ARMC2: variants seen among roughly 807,000 people sequenced by gnomAD.
ARMC2 encodes armadillo repeat-containing protein 2.
Under a neutral mutation model 90.3 loss-of-function variants are expected in ARMC2, and 67 were observed. The observed-to-expected ratio is 0.74, with a 90% confidence interval of 0.61 to 0.91. The LOEUF is 0.91. ARMC2 is among the 40% of genes least tolerant of loss of function. ARMC2 has a pLI of 0.00. For synonymous variants in ARMC2, 393 were observed against 393.0 expected (o/e 1.00, Z 0.00); for missense variants, 920 against 1,030.9 (o/e 0.89, Z 1.47).
intron 5 of ARMC2, among the ~76,000 whole-genome samples, chr6:108,881,496 A>G (rs1777579849): frequency 1.3e-5 from 2 of 152,328 alleles, no homozygotes; most frequent in South Asian, 4.1e-4. Flanking sequence ...AGCAAGAAAC[A>G]GATTTCACTA....
At chr6:108,985,596 T>C in the ARMC2 span, among the ~76,000 whole-genome samples, 1 of 152,214 alleles carries the variant, frequency 6.6e-6, no homozygotes, top group Non-Finnish European at 1.5e-5. Context: ...CATTAAAATT[T>C]TGATTTCAAT....
At chr6:108,964,150 C>G in intron 15 of ARMC2, 30 bp from the exon 16 acceptor site, 2 of 1,596,472 alleles carry the variant, frequency 1.3e-6, no homozygotes, top group Non-Finnish European at 1.7e-6. Flanking sequence ...TGAACTTTTA[C>G]TGGTCTGCAT....
chr6:109,012,272 T>C, the ARMC2 span, among the ~76,000 whole-genome samples: 356 of 151,716 alleles, frequency 2.3e-3, 1 homozygote, highest in African/African-American at 8.2e-3. Context: ...AGACGGAGTC[T>C]CGCTCTGTCG....
chr6:109,035,081 A>C, the ARMC2 span, among the ~76,000 whole-genome samples: 1 of 152,106 alleles, frequency 6.6e-6, no homozygotes, highest in Admixed American at 6.5e-5. Flanking sequence ...GGGAGAGAAA[A>C]GGGGCAAGAG....
At chr6:109,029,508 T>G in the ARMC2 span, among the ~76,000 whole-genome samples, 7 of 152,156 alleles carry the variant, frequency 4.6e-5, no homozygotes, top group African/African-American at 1.7e-4. Context: ...CTCAAGCCAC[T>G]CCTTTCCTCC....
chr6:108,914,950 ATT>A (rs71776577), intron 10 of ARMC2, among the ~76,000 whole-genome samples: 30 of 144,592 alleles, frequency 2.1e-4, no homozygotes, highest in East Asian at 1.2e-3. Context: ...CTCAGCAGGC[ATT>A]TTTTTTTTTT....
the ARMC2 span, among the ~76,000 whole-genome samples, chr6:108,985,235 A>C: frequency 6.6e-6 from 1 of 152,314 alleles, no homozygotes; most frequent in East Asian, 1.9e-4. Flanking sequence ...TCTCATTCTT[A>C]GAGATGATAA....
At chr6:108,906,252 G>A (rs1376833021) in intron 8 of ARMC2, among the ~76,000 whole-genome samples, 1 of 151,986 alleles carries the variant, frequency 6.6e-6, no homozygotes, top group African/African-American at 2.4e-5. Flanking sequence ...GTATGAATGT[G>A]ACTATATTTA....
At chr6:108,948,617 C>T (rs763914543) in intron 12 of ARMC2, among the ~76,000 whole-genome samples, 7 of 150,900 alleles carry the variant, frequency 4.6e-5, no homozygotes, top group Non-Finnish European at 8.9e-5. Context: ...CCTCCTTTTC[C>T]ATCTGAAGCA....
At chr6:109,007,579 A>T in the ARMC2 span, among the ~76,000 whole-genome samples, 1 of 152,186 alleles carries the variant, frequency 6.6e-6, no homozygotes, top group Non-Finnish European at 1.5e-5. Context: ...TGTTATATAA[A>T]AAGTGAAAGT....
In ARMC2 at chr6:108,858,180, G is replaced by C. The variant is rs777242036; in HGVS notation, c.219-19G>C. The C allele has an allele frequency of 6.3e-7, 1 of 1,594,096 alleles. No individual in the cohort carries two copies. Among genetic ancestry groups the C allele is most frequent in the Non-Finnish European group, 8.6e-7 (1 of 1,164,026 alleles). ...ATAATTCTTCACAAACTAACACTCT[G>C]CACCATCTTTTATGCTAGCCTCCAT... On this transcript the variant is annotated intron_variant, in intron 2 of 17. Coordinates refer to ENST00000392644, the MANE Select transcript of ARMC2 (RefSeq NM_032131.6).
intron 12 of ARMC2, among the ~76,000 whole-genome samples, chr6:108,945,906 TGTAGGGC>T (rs1238342338): frequency 6.6e-6 from 1 of 152,226 alleles, no homozygotes; most frequent in East Asian, 1.9e-4. Context: ...CTGGTGCCTT[TGTAGGGC>T]GACTTGGCTC....
At chr6:108,944,517 G>T (rs948823663) in intron 12 of ARMC2, among the ~76,000 whole-genome samples, 5 of 152,182 alleles carry the variant, frequency 3.3e-5, no homozygotes, top group Non-Finnish European at 5.9e-5. Context: ...CCTTAGAGCC[G>T]CCTGTCCAAG....
chr6:108,936,471 G>A lies in ARMC2; in HGVS notation c.1497-429G>A, dbSNP rs144240602. ...GGGTTTCACTATGTTGGCCAGGCTC[G>A]TCTTGAGCTCCTGACCTCAAGTGAC... On this transcript the variant is annotated intron_variant, in intron 11 of 17. Transcript: ENST00000392644. Among the ~76,000 whole-genome samples, 1,210 of 152,246 alleles carry A rather than the reference G, an allele frequency of 7.9e-3. 15 individuals are homozygous for A. The highest frequency in any genetic ancestry group is 0.028 in the African/African-American group (1,170 of 41,534).
the ARMC2 span, chr6:108,990,920 T>C: frequency 8.3e-6 from 10 of 1,208,582 alleles, no homozygotes; most frequent in East Asian, 1.0e-4. Context: ...GTAAAAATCA[T>C]TGTCATTTGG....
intron 5 of ARMC2, among the ~76,000 whole-genome samples, chr6:108,880,513 G>A (rs1777419095): frequency 6.6e-6 from 1 of 152,154 alleles, no homozygotes; most frequent in South Asian, 2.1e-4. Flanking sequence ...ACAGCCTTAT[G>A]GAGAGAGATG....
chr6:108,999,518 G>T, the ARMC2 span, among the ~76,000 whole-genome samples: 1 of 152,082 alleles, frequency 6.6e-6, no homozygotes, highest in Non-Finnish European at 1.5e-5. Context: ...TTAATAAATA[G>T]AACCAGAACT....
At chr6:108,988,774 C>A in the ARMC2 span, 1 of 1,079,972 alleles carries the variant, frequency 9.3e-7, no homozygotes, top group East Asian at 2.8e-5. Flanking sequence ...ATAGTTAATA[C>A]TGTATTTTTT....
the ARMC2 span, among the ~76,000 whole-genome samples, chr6:109,038,846 A>G: frequency 6.6e-6 from 1 of 152,012 alleles, no homozygotes; most frequent in Non-Finnish European, 1.5e-5. Context: ...AAGAAAGGAA[A>G]AAGAAGAGCA....
Sources: gnomAD v4.1 joint callset for allele counts (sites outside exome capture counted in the v4.1 genomes callset) on GRCh38, gnomAD v4.1.1 for gene constraint, MANE v1.5 for transcripts, NCBI Gene and HGNC (gene_info 2026-07-23, HGNC 2026-07-21) for gene names.